CST9L: variants seen among roughly 807,000 people sequenced by gnomAD.
CST9L encodes cystatin-9-like.
Under a neutral mutation model 13.2 loss-of-function variants are expected in CST9L, and 17 were observed. The observed-to-expected ratio is 1.29, with a 90% CI of 0.88 to 1.93. The LOEUF is 1.93. Among genes scored for constraint, CST9L ranks in the 30% most tolerant of loss-of-function variants. The pLI, the probability that CST9L is intolerant of heterozygous loss-of-function variation, is 0.00. For missense variants in CST9L, 170 were observed against 170.5 expected, an observed-to-expected ratio of 1.00 and a Z score of 0.02; for synonymous variants, 78 against 69.1, an observed-to-expected ratio of 1.13 and a Z score of -0.64.
rs1156347329 is a variant in CST9L at position 23,565,014 on chromosome 20, G to T, written c.378C>A (p.Ile126=). 6.2e-7 allele frequency: 1 copy of T among 1,613,924 alleles called. No homozygotes were observed. Among genetic ancestry groups the T allele is most frequent in the South Asian group, 1.1e-5 (1 of 91,080 alleles). The change falls in exon 3 of 3, where the codon ATC becomes ATA. Residue 126 remains isoleucine, a synonymous_variant. Coordinates refer to ENST00000376979, the MANE Select transcript of CST9L (RefSeq NM_080610.3). ...ACTGAGTCATCCAGGGCCTGGTGCT[G>T]ATGGTGAAGAAGCAGGTGAAAGTCT... The part of the protein sequence containing the change: ...LNNTFTCFFT[I]STRPWMTQFS...
At chr20:23,568,146 C>T in intron 1 of CST9L, 65 bp downstream of exon 1, 1 of 1,581,698 alleles carries the variant, frequency 6.3e-7, no homozygotes, top group Non-Finnish European at 8.7e-7. Flanking sequence ...GTCCCCACCC[C>T]ACTCCCATTT....
intron 1 of CST9L, 138 bp from the exon 2 acceptor site, chr20:23,566,225 G>A: frequency 2.9e-6 from 2 of 680,618 alleles, no homozygotes; most frequent in Non-Finnish European, 5.4e-6. Flanking sequence ...CTGGCATCAG[G>A]AGATCTTCTT....
At chr20:23,565,855 G>C in intron 2 of CST9L, 119 bp downstream of exon 2, 1 of 739,484 alleles carries the variant, frequency 1.4e-6, no homozygotes, top group Non-Finnish European at 2.5e-6. Flanking sequence ...GGGCAGCCTG[G>C]TAGAGGCTGC....
At position 23,565,979 on chromosome 20, in the gene CST9L, T is replaced by A. The variant is rs947627604; in HGVS notation, c.349A>T (p.Asn117Tyr). 3 of 1,563,100 alleles carry A rather than the reference T, an allele frequency of 1.9e-6. No individual in the cohort carries two copies. Among genetic ancestry groups the A allele is most frequent in the South Asian group, 1.1e-5 (1 of 90,028 alleles). ...NCHFQESTELNNTFTCFFTIS... is the reference protein window; with the variant it reads ...NCHFQESTELYNTFTCFFTIS... ...AAGCTGGTGTCCTGTCTTACATTGT[T>A]CAGCTCTGTGCTTTCTTGGAAATGG... is the stretch of plus-strand genomic sequence containing the variant. Residue 117 changes from asparagine (N) to tyrosine (Y), a missense_variant, in exon 2 of 3, where the codon AAC becomes TAC. Asn to Tyr is a moderately radical substitution (Grantham distance 143). Transcript: ENST00000376979.
chr20:23,567,111 T>C (rs992199254), intron 1 of CST9L, among the ~76,000 whole-genome samples: 5 of 152,168 alleles, frequency 3.3e-5, no homozygotes, highest in Non-Finnish European at 7.3e-5. Flanking sequence ...GCACAGGGTC[T>C]TTCCAGAGGC....
At chr20:23,565,831 C>G in intron 2 of CST9L, 143 bp downstream of exon 2, 1 of 690,112 alleles carries the variant, frequency 1.4e-6, no homozygotes, top group Non-Finnish European at 2.7e-6. Context: ...GCGCTCCCCA[C>G]TAAGGCACAA....
chr20:23,568,281 G>A lies in CST9L; in HGVS notation c.170C>T (p.Thr57Ile), dbSNP rs200065971. The change falls in exon 1 of 3, where the codon ACA becomes ATA. Residue 57 changes from threonine (T) to isoleucine (I), a missense_variant. Physicochemically the swap from Thr to Ile is moderately conservative, Grantham distance 89. Coordinates refer to ENST00000376979, the MANE Select transcript of CST9L (RefSeq NM_080610.3). ...LPATVEFAVH[T>I]FNQQSKDYYA... ...GTAGTCCTTGCTCTGTTGGTTGAAT[G>A]TGTGGACAGCAAACTCCACTGTGGC... 136 of 1,613,996 alleles carry A rather than the reference G, an allele frequency of 8.4e-5. No homozygotes were observed. The highest frequency in any genetic ancestry group is 1.1e-4 in the Non-Finnish European group (132 of 1,179,982).
Position 23,568,470 on chromosome 20 carries a change from G to T in CST9L, c.-20C>A, listed in dbSNP as rs76767926. On this transcript the variant is annotated 5_prime_UTR_variant, in exon 1 of 3. Coordinates refer to ENST00000376979, the MANE Select transcript of CST9L (RefSeq NM_080610.3). ...CAGCATGGTGCTGACTGTAGGCACC[G>T]CTGACTTTGCTCTTCCCAGCCCCCG... The T allele has an allele frequency of 6.2e-7, 1 of 1,609,184 alleles. No individual in the cohort carries two copies. Among genetic ancestry groups the T allele is most frequent in the South Asian group, 1.1e-5 (1 of 90,260 alleles).
chr20:23,566,730 A>T (rs903745141), intron 1 of CST9L, among the ~76,000 whole-genome samples: 3 of 152,038 alleles, frequency 2.0e-5, no homozygotes, highest in African/African-American at 7.2e-5. Context: ...CTAAAAATAC[A>T]AAAGTTAGCT....
At chr20:23,566,943 A>C (rs6137999) in intron 1 of CST9L, among the ~76,000 whole-genome samples, 54,164 of 151,744 alleles carry the variant, frequency 0.36, 10,296 homozygotes, top group East Asian at 0.56. Flanking sequence ...GTGCACCTTG[A>C]TCTTCTCACT....
At chr20:23,565,680 A>G (rs569233307) in intron 2 of CST9L, among the ~76,000 whole-genome samples, 1 of 152,284 alleles carries the variant, frequency 6.6e-6, no homozygotes, top group Non-Finnish European at 1.5e-5. Context: ...TGGACCCAGG[A>G]GACTGGGACC....
Position 23,564,906 on chromosome 20 carries a change from A to C in CST9L, c.*42T>G. 2 of 1,354,390 alleles carry C rather than the reference A, an allele frequency of 1.5e-6. No homozygotes were observed. The highest frequency in any genetic ancestry group is 2.1e-6 in the Non-Finnish European group (2 of 942,850). The allele number at this position is 1,354,390 out of a possible 1,614,324, so 83.9% of individuals were successfully genotyped here. A position where few individuals can be genotyped will look rare whatever the true frequency, so the allele number is the denominator to read the frequency against. On this transcript the variant is annotated 3_prime_UTR_variant, in exon 3 of 3. Coordinates refer to ENST00000376979, the MANE Select transcript of CST9L (RefSeq NM_080610.3). ...GGAGAGTAGTGCTGATGTCCACGGA[A>C]TGTGGGAGCAGCACATGGACAAGCC...
intron 1 of CST9L, among the ~76,000 whole-genome samples, chr20:23,567,245 C>G (rs1989110950): frequency 6.6e-6 from 1 of 152,082 alleles, no homozygotes; most frequent in Admixed American, 6.5e-5. Context: ...TGCAGTGGCT[C>G]ATGCCTGTAA....
intron 1 of CST9L, among the ~76,000 whole-genome samples, chr20:23,567,507 CAAAAA>C (rs11470332): frequency 9.0e-6 from 1 of 110,644 alleles, no homozygotes; most frequent in African/African-American, 3.7e-5. Context: ...GATTCCATCT[CAAAAA>C]AAAAAAAAAA....
At chr20:23,565,404 T>C (rs1245008874) in intron 2 of CST9L, among the ~76,000 whole-genome samples, 1 of 152,158 alleles carries the variant, frequency 6.6e-6, no homozygotes, top group Non-Finnish European at 1.5e-5. Flanking sequence ...TATTTTTTAA[T>C]ATTACAATAA....
At position 23,565,010 on chromosome 20, in the gene CST9L, T is replaced by A; in HGVS notation, c.382A>T (p.Thr128Ser). The A allele has an allele frequency of 1.2e-6, 2 of 1,613,800 alleles. No individual in the cohort carries two copies. The highest frequency in any genetic ancestry group is 1.7e-6 in the Non-Finnish European group (2 of 1,179,888). ...CTGAACTGAGTCATCCAGGGCCTGG[T>A]GCTGATGGTGAAGAAGCAGGTGAAA... ...NTFTCFFTIS[T>S]RPWMTQFSLL... The change falls in exon 3 of 3, where the codon ACC (threonine) becomes TCC (serine). Residue 128 changes from threonine (T) to serine (S), a missense_variant. Transcript: ENST00000376979.
intron 1 of CST9L, among the ~76,000 whole-genome samples, chr20:23,566,894 AAG>A (rs1989105027): frequency 6.6e-6 from 1 of 152,100 alleles, no homozygotes; most frequent in African/African-American, 2.4e-5. Flanking sequence ...TATCAAAAGA[AAG>A]AAAGAAAGAA....
intron 2 of CST9L, 123 bp from the exon 3 acceptor site, chr20:23,565,160 G>A: frequency 1.4e-6 from 1 of 729,896 alleles, no homozygotes; most frequent in Non-Finnish European, 2.5e-6. Context: ...TGGGAAGACG[G>A]GGCCTCTGGC....
intron 1 of CST9L, among the ~76,000 whole-genome samples, chr20:23,567,759 A>G (rs1044577180): frequency 6.6e-6 from 1 of 152,200 alleles, no homozygotes; most frequent in African/African-American, 2.4e-5. Context: ...GTCTTTTGGG[A>G]CTGGTGGGGG....
Sources: gnomAD v4.1 joint callset for allele counts (sites outside exome capture counted in the v4.1 genomes callset) on GRCh38, gnomAD v4.1.1 for gene constraint, MANE v1.5 for transcripts, NCBI Gene and HGNC (gene_info 2026-07-23, HGNC 2026-07-21) for gene names.